COL2A1: variants seen among roughly 807,000 people sequenced by gnomAD.
The protein encoded by COL2A1 is collagen alpha-1(II) chain.
COL2A1 carries 28 observed loss-of-function variants against 204.5 expected under a neutral mutation model. That is an observed-to-expected ratio of 0.14 (90% CI 0.10 to 0.19). COL2A1 has a LOEUF of 0.19. COL2A1 is among the 10% of genes least tolerant of loss of function. COL2A1 has a pLI of 1.00. For missense variants in COL2A1, 1,388 were observed against 2,027.5 expected, an observed-to-expected ratio of 0.68 and a Z score of 6.06; for synonymous variants, 708 against 718.7, an observed-to-expected ratio of 0.99 and a Z score of 0.24.
At chr12:47,989,631 C>T in intron 17 of COL2A1, 130 bp downstream of exon 17, 1 of 831,298 alleles carries the variant, frequency 1.2e-6, no homozygotes, top group Non-Finnish European at 2.1e-6. Context: ...TCTTCTCTTT[C>T]CTCCCCCTTT....
intron 28 of COL2A1, 98 bp downstream of exon 28, chr12:47,984,448 A>T: frequency 6.4e-6 from 8 of 1,249,198 alleles, no homozygotes; most frequent in Non-Finnish European, 9.3e-6. Context: ...CTCAATACTG[A>T]GGGGTCCCGG....
Position 47,974,307 on chromosome 12 carries a change from C to A in COL2A1, c.4099G>T (p.Ala1367Ser). ...FHFSYGDDNL[A>S]PNTANVQMTF... ...ATCTGGACGTTGGCAGTGTTGGGAG[C>A]CAGATTGTCATCTCCATAGCTGAAC... The change falls in exon 53 of 54, where the codon GCT becomes TCT. Residue 1367 changes from alanine to serine, a missense_variant. Physicochemically the swap from Ala to Ser is moderately conservative, Grantham distance 99. This residue lies in a region of COL2A1 where 303 missense variants were observed against 369.2 expected (regional missense o/e 0.82). Coordinates refer to ENST00000380518, the MANE Select transcript of COL2A1 (RefSeq NM_001844.5). 1 of 1,614,054 alleles carries A rather than the reference C, an allele frequency of 6.2e-7. No individual in the cohort carries two copies. Among genetic ancestry groups the A allele is most frequent in the Non-Finnish European group, 8.5e-7 (1 of 1,180,030 alleles).
intron 40 of COL2A1, among the ~76,000 whole-genome samples, chr12:47,979,805 G>A (rs970425060): frequency 6.6e-6 from 1 of 152,212 alleles, no homozygotes; most frequent in Non-Finnish European, 1.5e-5. Context: ...CGAGGGACAA[G>A]CCTCGGGCTG....
Position 47,994,006 on chromosome 12 carries a change from G to C in COL2A1, c.858C>G (p.Val286=). 1 of 1,614,084 alleles carries C rather than the reference G, an allele frequency of 6.2e-7. No homozygotes were observed. Among genetic ancestry groups the C allele is most frequent in the Non-Finnish European group, 8.5e-7 (1 of 1,180,022 alleles). Residue 286 remains valine (V), a synonymous_variant, in exon 13 of 54, where the codon GTC becomes GTG. Coordinates refer to ENST00000380518, the MANE Select transcript of COL2A1 (RefSeq NM_001844.5). ...CCGTGATACTTACTCTGTGACCTTT[G>C]ACACCAGGAAGGCCTGGGGTTCCTG... is the stretch of plus-strand genomic sequence containing the variant. The part of the protein sequence containing the change: ...GFPGTPGLPG[V]KGHRGYPGLD...
At chr12:47,993,930 C>A in intron 13 of COL2A1, 64 bp downstream of exon 13, 2 of 1,611,498 alleles carry the variant, frequency 1.2e-6, no homozygotes, top group Non-Finnish European at 1.7e-6. Context: ...TGCACGCACC[C>A]CAAAGTGCTT....
chr12:47,993,693 CCAAGGCTGTTCTGAGGAGCTAGTT>C, intron 14 of COL2A1, 92 bp downstream of exon 14: 1 of 1,303,806 alleles, frequency 7.7e-7, no homozygotes. Flanking sequence ...GTGTTCCCAG[CCAAGGCTGTTCTGAGGAGCTAGTT>C]CCACTGAGCT....
Position 47,986,385 on chromosome 12 carries a change from G to A in COL2A1, c.1478C>T (p.Ala493Val), listed in dbSNP as rs1214708182. ...CCCAACGCCACCAGGCTCTCCACGG[G>A]CACCTCTCTTGCCTTCTTCACCAGC... ...GPAGEEGKRG[A>V]RGEPGGVGPI... Residue 493 changes from alanine to valine, a missense_variant, in exon 23 of 54, where the codon GCC becomes GTC. This residue lies in a region of COL2A1 where 884 missense variants were observed against 1,415.8 expected (regional missense o/e 0.62). Transcript: ENST00000380518. 1.3e-6 allele frequency: 2 copies of A among 1,570,114 alleles called. No homozygotes were observed. The highest frequency in any genetic ancestry group is 3.7e-5 in the Admixed American group (2 of 53,930).
chr12:47,977,678 A>C, intron 44 of COL2A1, 25 bp from the exon 45 acceptor site: 4 of 1,613,338 alleles, frequency 2.5e-6, no homozygotes, highest in Non-Finnish European at 3.4e-6. Flanking sequence ...ACAAGAATGC[A>C]CTTAGAGCTG....
chr12:47,983,554 G>A, intron 30 of COL2A1, 116 bp from the exon 31 acceptor site: 1 of 1,427,508 alleles, frequency 7.0e-7, no homozygotes, highest in Non-Finnish European at 9.8e-7. Flanking sequence ...ACAGCCAGGG[G>A]TGCAGGGAAG....
At chr12:47,979,863 C>T in intron 40 of COL2A1, 146 bp downstream of exon 40, 2 of 757,504 alleles carry the variant, frequency 2.6e-6, no homozygotes, top group East Asian at 2.7e-5. Context: ...CCCTCTCTCC[C>T]ACCTGGCTGT....
In COL2A1 at chr12:47,999,913, T is replaced by A; in HGVS notation, c.292+6A>T. 1 of 1,612,240 alleles carries A rather than the reference T, an allele frequency of 6.2e-7. No individual in the cohort carries two copies. Among genetic ancestry groups the A allele is most frequent in the Non-Finnish European group, 8.5e-7 (1 of 1,178,362 alleles). On this transcript the variant is annotated splice_donor_region_variant and intron_variant, in intron 2 of 53. Coordinates refer to ENST00000380518, the MANE Select transcript of COL2A1 (RefSeq NM_001844.5). ...TATGTTGAACAGGAAATAAATAAAT[T>A]ACAACCACTGGCAGTGGCGAGGTCA...
rs187536722 is a variant in COL2A1 at position 47,974,610 on chromosome 12, G to C, written c.4074+65C>G. 2.7e-4 allele frequency: 422 copies of C among 1,566,848 alleles called. 6 individuals are homozygous for C. In the Admixed American group the frequency reaches 6.8e-3, roughly 25 times the overall value. ...GGGGAAGGTGCTAAAAGCTTCCAGG[G>C]AGAAAGAAAAGAAAGAGTTTGAGGA... On this transcript the variant is annotated intron_variant, in intron 52 of 53. Transcript: ENST00000380518.
chr12:47,977,463 G>A (rs991177589), intron 45 of COL2A1, 36 bp from the exon 46 acceptor site: 1 of 1,592,340 alleles, frequency 6.3e-7, no homozygotes, highest in East Asian at 2.2e-5. Flanking sequence ...AGAGAAGAAT[G>A]TTCCAGAAGA....
intron 28 of COL2A1, among the ~76,000 whole-genome samples, 163 bp from the exon 29 acceptor site, chr12:47,984,303 C>T (rs1461387815): frequency 6.6e-5 from 10 of 152,192 alleles, no homozygotes; most frequent in Non-Finnish European, 1.3e-4. Context: ...TCCCAGGCCC[C>T]GTCTTTTCTT....
At chr12:47,999,679 G>A in intron 2 of COL2A1, 1 of 327,460 alleles carries the variant, frequency 3.1e-6, no homozygotes, top group Non-Finnish European at 5.2e-6. Flanking sequence ...TCCTTCATGT[G>A]TCTTGGAAGC....
chr12:47,981,639 G>A (rs1939091016), intron 36 of COL2A1, 137 bp downstream of exon 36: 2 of 1,101,428 alleles, frequency 1.8e-6, no homozygotes, highest in Admixed American at 2.0e-5. Context: ...TTCTGAGAGG[G>A]CCCCCTCTTC....
chr12:47,996,159 C>A (rs1047215020), intron 8 of COL2A1, among the ~76,000 whole-genome samples: 2 of 152,250 alleles, frequency 1.3e-5, no homozygotes, highest in Non-Finnish European at 2.9e-5. Context: ...GCCATGTTTA[C>A]TAAAGGCTGA....
In COL2A1 at chr12:47,973,286, G is replaced by A. The variant is rs941987822; in HGVS notation, c.*121C>T. 7.8e-7 allele frequency: 1 copy of A among 1,290,018 alleles called. No homozygotes were observed. Among genetic ancestry groups the A allele is most frequent in the African/African-American group, 1.5e-5 (1 of 68,380 alleles). The allele number at this position is 1,290,018 out of a possible 1,614,324, so 79.9% of individuals were successfully genotyped here. Reference sequence around the variant, plus strand: ...AGAAAAGTCCGAACTGTGAGAGGGTGGGATGAATGGACATCAGGTCAGGTC... The same window carrying A: ...AGAAAAGTCCGAACTGTGAGAGGGTAGGATGAATGGACATCAGGTCAGGTC... On this transcript the variant is annotated 3_prime_UTR_variant, in exon 54 of 54. Transcript: ENST00000380518.
At position 47,998,407 on chromosome 12, in the gene COL2A1, G is replaced by C. The variant is rs1354748424; in HGVS notation, c.309+8C>G. 5.0e-6 allele frequency: 8 copies of C among 1,603,104 alleles called. No individual in the cohort carries two copies. The highest frequency in any genetic ancestry group is 2.7e-5 in the African/African-American group (2 of 74,422). On this transcript the variant is annotated splice_region_variant and intron_variant, in intron 3 of 53. Transcript: ENST00000380518. ...AATATGAAAAAAGAAAAAGAAGAAA[G>C]CCCTTACCTTTGGTCCTGGTTGCCC... is the stretch of plus-strand genomic sequence containing the variant.
Sources: allele counts gnomAD v4.1 joint callset (sites outside exome capture counted in the v4.1 genomes callset), GRCh38; gene constraint gnomAD v4.1.1; regional missense constraint gnomAD v4.1.1; transcripts MANE v1.5; gene names NCBI Gene and HGNC (gene_info 2026-07-23, HGNC 2026-07-21).